Variants in CYP26C1 observed in about 807,000 individuals in gnomAD.
CYP26C1 encodes cytochrome P450 family 26 subfamily C member 1, also known as cytochrome P450 26C1.
In CYP26C1, 41 loss-of-function variants were observed where a neutral mutation model predicts 39.1. That is an observed-to-expected ratio of 1.05 (90% CI 0.82 to 1.36). The LOEUF (loss-of-function observed/expected upper bound fraction) is 1.36. CYP26C1 is among the 40% of genes most tolerant of loss of function. The pLI, the probability that CYP26C1 is intolerant of heterozygous loss-of-function variation, is 0.00. For synonymous variants in CYP26C1, 362 were observed against 350.8 expected (o/e 1.03, Z -0.36); for missense variants, 833 against 752.0 (o/e 1.11, Z -1.26).
In CYP26C1 at chr10:93,061,200, G is replaced by A. The variant is rs924092272; in HGVS notation, c.-64G>A. On this transcript the variant is annotated 5_prime_UTR_variant, in exon 1 of 6. Transcript: ENST00000651965. ...CAGGTGAGCACTGCGCACTGCTCGCGCCCCGGTTCTTGCGTCCCCTGCTCT... is the reference window on the plus strand; with the variant it reads ...CAGGTGAGCACTGCGCACTGCTCGCACCCCGGTTCTTGCGTCCCCTGCTCT... 3 of 1,518,950 alleles carry A rather than the reference G, an allele frequency of 2.0e-6. No homozygotes were observed. Among genetic ancestry groups the A allele is most frequent in the African/African-American group, 1.4e-5 (1 of 72,562 alleles). 94.1% of individuals were successfully genotyped at this position (1,518,950 alleles called of 1,614,324 possible).
At chr10:93,063,085 C>A (rs1846773986) in intron 3 of CYP26C1, 90 bp downstream of exon 3, 6 of 1,475,434 alleles carry the variant, frequency 4.1e-6, no homozygotes, top group Non-Finnish European at 5.4e-6. Flanking sequence ...CGGCGCACCC[C>A]GCGCGTCCGT....
intron 4 of CYP26C1, 116 bp downstream of exon 4, chr10:93,064,652 T>G: frequency 6.7e-7 from 1 of 1,490,760 alleles, no homozygotes; most frequent in Non-Finnish European, 8.9e-7. Context: ...GCACAGGCAG[T>G]CCTCAAGATG....
chr10:93,068,749 G>T lies in CYP26C1; in HGVS notation c.*52G>T, dbSNP rs1381249603. On this transcript the variant is annotated 3_prime_UTR_variant, in exon 6 of 6. Transcript: ENST00000651965. ...GGCCGGTGGCTATGGCGCGCACGCAGCGCCACCCATCTGCCGCTCCCCATT... is the reference window on the plus strand; with the variant it reads ...GGCCGGTGGCTATGGCGCGCACGCATCGCCACCCATCTGCCGCTCCCCATT... The T allele has an allele frequency of 6.8e-7, 1 of 1,461,668 alleles. No homozygotes were observed. The allele number at this position is 1,461,668 out of a possible 1,614,324, so 90.5% of individuals were successfully genotyped here. A position where few individuals can be genotyped will look rare whatever the true frequency, so the allele number is the denominator to read the frequency against.
In CYP26C1 at chr10:93,066,190, C is replaced by G; in HGVS notation, c.1096C>G (p.Leu366Val). The change falls in exon 5 of 6, where the codon CTG becomes GTG. Residue 366 changes from leucine (L) to valine (V), a missense_variant. Physicochemically the swap from Leu to Val is conservative, Grantham distance 32. Transcript: ENST00000651965. ...CCTCAGCCTCGCGGCGCTGGGCCGT[C>G]TGCGCTACGTCGACTGCGTGGTCAA... ...PDLSLAALGR[L>V]RYVDCVVKEV... The G allele has an allele frequency of 5.5e-6, 8 of 1,467,056 alleles. No homozygotes were observed. The highest frequency in any genetic ancestry group is 7.2e-6 in the Non-Finnish European group (8 of 1,111,062). 90.9% of individuals were successfully genotyped at this position (1,467,056 alleles called of 1,614,324 possible).
At chr10:93,061,833 T>C (rs987199983) in intron 1 of CYP26C1, among the ~76,000 whole-genome samples, 177 bp from the exon 2 acceptor site, 4 of 152,080 alleles carry the variant, frequency 2.6e-5, no homozygotes, top group Admixed American at 2.6e-4. Context: ...ATCTCACCAA[T>C]AGGAACAGGA....
intron 5 of CYP26C1, among the ~76,000 whole-genome samples, chr10:93,068,050 A>G (rs1433479930): frequency 6.6e-6 from 1 of 152,218 alleles, no homozygotes; most frequent in Non-Finnish European, 1.5e-5. Context: ...CTTAATTTGA[A>G]TCCTCACCAA....
In CYP26C1 at chr10:93,064,537, G is replaced by T; in HGVS notation, c.861+1G>T. Reference sequence around the variant, plus strand: ...TGAGCCCTCCATGCAGGAGCTGAAGGTAGGTGCTGACAGGCCGCTCCTTCT... The same window carrying T: ...TGAGCCCTCCATGCAGGAGCTGAAGTTAGGTGCTGACAGGCCGCTCCTTCT... On this transcript the variant is annotated splice_donor_variant, in intron 4 of 5. Coordinates refer to ENST00000651965, the MANE Select transcript of CYP26C1 (RefSeq NM_183374.3). LOFTEE classifies it high-confidence loss of function. The T allele has an allele frequency of 2.5e-6, 4 of 1,611,954 alleles. No individual in the cohort carries two copies. Among genetic ancestry groups the T allele is most frequent in the Non-Finnish European group, 3.4e-6 (4 of 1,178,482 alleles).
chr10:93,060,911 C>A lies in CYP26C1; in HGVS notation c.-353C>A. On this transcript the variant is annotated 5_prime_UTR_variant, in exon 1 of 6. It adds an upstream start codon to the 5' untranslated region. Coordinates refer to ENST00000651965, the MANE Select transcript of CYP26C1 (RefSeq NM_183374.3). ...CTTCCCTTCTTCTATCCAAAGGGTG[C>A]TGAGCCCGGGAGGAGGTGGGAGGTG... is the stretch of plus-strand genomic sequence containing the variant. 2.9e-6 allele frequency: 1 copy of A among 339,266 alleles called. No individual in the cohort carries two copies. The allele number at this position is 339,266 out of a possible 1,614,324, so 21.0% of individuals were successfully genotyped here. A position where few individuals can be genotyped will look rare whatever the true frequency, so the allele number is the denominator to read the frequency against.
rs1312606331 is a variant in CYP26C1, at chr10:93,068,680, A to G, written c.1552A>G (p.Asn518Asp). Residue 518 changes from asparagine to aspartate, a missense_variant, in exon 6 of 6, where the codon AAT becomes GAT. Transcript: ENST00000651965. ...CCCCCTCACGCCTTCGGTTGCGGGG[A>G]ATGGGCTATGCCTCTGACATGCTTG... is the stretch of plus-strand genomic sequence containing the variant. ...FHPLTPSVAG[N>D]GLCL 4 of 1,571,790 alleles carry G rather than the reference A, an allele frequency of 2.5e-6. No individual in the cohort carries two copies. The highest frequency in any genetic ancestry group is 3.5e-6 in the Non-Finnish European group (4 of 1,156,060).
chr10:93,063,920 C>G, intron 3 of CYP26C1: 1 of 988,256 alleles, frequency 1.0e-6, no homozygotes, highest in East Asian at 1.1e-4. Flanking sequence ...ATTGCCCACG[C>G]TCTTACAGAG....
chr10:93,064,632 C>G (rs1846800089), intron 4 of CYP26C1, 96 bp downstream of exon 4: 1 of 1,514,762 alleles, frequency 6.6e-7, no homozygotes, highest in East Asian at 2.3e-5. Flanking sequence ...TTGTGTGGCC[C>G]CACTTTGAGG....
Position 93,068,714 on chromosome 10 carries a change from G to A in CYP26C1, c.*17G>A. ...TGCCTCTGACATGCTTGCGCTCTAG[G>A]ACACGGCTTGGCCGGTGGCTATGGC... On this transcript the variant is annotated 3_prime_UTR_variant, in exon 6 of 6. Coordinates refer to ENST00000651965, the MANE Select transcript of CYP26C1 (RefSeq NM_183374.3). 2.0e-6 allele frequency: 3 copies of A among 1,505,286 alleles called. No individual in the cohort carries two copies. The highest frequency in any genetic ancestry group is 2.7e-6 in the Non-Finnish European group (3 of 1,125,776). The allele number at this position is 1,505,286 out of a possible 1,614,324, so 93.2% of individuals were successfully genotyped here.
rs1046434716 is a variant in CYP26C1, at chr10:93,062,015, G to A, written c.210G>A (p.Ser70=). 11 of 1,560,526 alleles carry A rather than the reference G, an allele frequency of 7.0e-6. No individual in the cohort carries two copies. Among genetic ancestry groups the A allele is most frequent in the Non-Finnish European group, 9.5e-6 (11 of 1,152,436 alleles). ...GETLHWLVQG[S]RFHSSRRERY... ...ACCCTCCGCCTCGCCCGCAGGGCTC[G>A]CGCTTCCACAGTTCTCGCCGAGAGC... The change falls in exon 2 of 6, where the codon TCG becomes TCA. Residue 70 remains serine, a synonymous_variant. Coordinates refer to ENST00000651965, the MANE Select transcript of CYP26C1 (RefSeq NM_183374.3).
chr10:93,063,260 C>G, intron 3 of CYP26C1: 1 of 1,205,840 alleles, frequency 8.3e-7, no homozygotes, highest in Non-Finnish European at 1.0e-6. Flanking sequence ...CCAGCCTGAG[C>G]AAGCGCGGGC....
intron 3 of CYP26C1, 181 bp from the exon 4 acceptor site, chr10:93,064,200 C>T: frequency 7.2e-7 from 1 of 1,394,812 alleles, no homozygotes; most frequent in Non-Finnish European, 9.4e-7. Context: ...TGTTTGTGGA[C>T]AGTGGACATA....
At position 93,068,829 on chromosome 10, in the gene CYP26C1, G is replaced by T; in HGVS notation, c.*132G>T. On this transcript the variant is annotated 3_prime_UTR_variant, in exon 6 of 6. Transcript: ENST00000651965. ...TTCAACAATCTTTCAACAAATGTTC[G>T]CCAAACGCGGATGTGTGCCGGACTC... is the stretch of plus-strand genomic sequence containing the variant. 7.3e-7 allele frequency: 1 copy of T among 1,363,552 alleles called. No individual in the cohort carries two copies. Among genetic ancestry groups the T allele is most frequent in the South Asian group, 1.7e-5 (1 of 58,260 alleles). The allele number at this position is 1,363,552 out of a possible 1,614,324, so 84.5% of individuals were successfully genotyped here. A position where few individuals can be genotyped will look rare whatever the true frequency, so the allele number is the denominator to read the frequency against.
rs1210467254 is a variant in CYP26C1, at chr10:93,061,227, C to T, written c.-37C>T. ...CCCGGTTCTTGCGTCCCCTGCTCTC[C>T]CTGCGCTCTGAGCGGCCTGGCCCCC... On this transcript the variant is annotated 5_prime_UTR_variant, in exon 1 of 6. Coordinates refer to ENST00000651965, the MANE Select transcript of CYP26C1 (RefSeq NM_183374.3). The T allele has an allele frequency of 6.5e-7, 1 of 1,541,514 alleles. No homozygotes were observed. Among genetic ancestry groups the T allele is most frequent in the Non-Finnish European group, 8.7e-7 (1 of 1,146,680 alleles).
intron 3 of CYP26C1, chr10:93,063,312 G>T: frequency 1.1e-5 from 12 of 1,130,288 alleles, no homozygotes; most frequent in Non-Finnish European, 1.3e-5. Flanking sequence ...CCTGCCAGTC[G>T]GTCGGACTCC....
Position 93,068,393 on chromosome 10 carries a change from G to T in CYP26C1, c.1265G>T (p.Arg422Leu). The change falls in exon 6 of 6, where the codon CGC becomes CTC. Residue 422 changes from arginine to leucine, a missense_variant. By Grantham distance (102) the Arg-to-Leu change is moderately radical (BLOSUM62 -2). Transcript: ENST00000651965. Reference protein sequence around the residue: ...RDTHETAAVYRSPPEGFDPER... With the variant: ...RDTHETAAVYLSPPEGFDPER... The stretch of plus-strand genomic sequence containing the variant: ...ACGCACGAGACGGCTGCGGTGTACC[G>T]CAGCCCTCCCGAAGGCTTCGATCCA... 1 of 1,606,026 alleles carries T rather than the reference G, an allele frequency of 6.2e-7. No homozygotes were observed. Among genetic ancestry groups the T allele is most frequent in the South Asian group, 1.1e-5 (1 of 90,228 alleles).
Sources: allele counts gnomAD v4.1 joint callset (sites outside exome capture counted in the v4.1 genomes callset), GRCh38; gene constraint gnomAD v4.1.1; transcripts MANE v1.5; gene names NCBI Gene and HGNC (gene_info 2026-07-23, HGNC 2026-07-21).